Variants in PTPRT observed in about 807,000 individuals in gnomAD.
The protein encoded by PTPRT is protein tyrosine phosphatase receptor type T.
Under a neutral mutation model 176.8 loss-of-function variants are expected in PTPRT, and 56 were observed. That is an observed-to-expected ratio of 0.32 (90% CI 0.26 to 0.40). The LOEUF (loss-of-function observed/expected upper bound fraction) is 0.40. PTPRT is among the 10% of genes least tolerant of loss of function. The pLI is 1.00. For missense variants in PTPRT, 1,540 were observed against 1,908.2 expected (o/e 0.81, Z 3.60); for synonymous variants, 783 against 739.0 (o/e 1.06, Z -0.96).
chr20:42,486,776 C>G (rs1167043362), intron 7 of PTPRT, among the ~76,000 whole-genome samples: 1 of 152,082 alleles, frequency 6.6e-6, no homozygotes, highest in Non-Finnish European at 1.5e-5. Context: ...GTTGAAGGAG[C>G]GGTAGCCCCT....
At chr20:42,100,910 A>G (rs887325607) in intron 26 of PTPRT, among the ~76,000 whole-genome samples, 1 of 152,244 alleles carries the variant, frequency 6.6e-6, no homozygotes, top group African/African-American at 2.4e-5. Flanking sequence ...GACAGAGGCC[A>G]GGGCAGGCCC....
At chr20:42,331,704 C>A (rs1184270132) in intron 11 of PTPRT, among the ~76,000 whole-genome samples, 1 of 152,136 alleles carries the variant, frequency 6.6e-6, no homozygotes, top group Non-Finnish European at 1.5e-5. Flanking sequence ...ATCCATCCAA[C>A]AACAGAATTG....
In PTPRT at chr20:42,596,568, C is replaced by G. The variant is rs375020566; in HGVS notation, c.1153+81298G>C. Among the ~76,000 whole-genome samples the G allele has an allele frequency of 2.6e-5, 4 of 152,296 alleles. No individual in the cohort carries two copies. The East Asian group carries it at 5.8e-4, about 22-fold the overall frequency. ...CACGTGGAAGAAACAAAAACACTTG[C>G]AATGTTTGTAACAGAAAACCTAATA... On this transcript the variant is annotated intron_variant, in intron 7 of 30. Coordinates refer to ENST00000373187, the MANE Select transcript of PTPRT (RefSeq NM_007050.6).
At chr20:42,132,868 T>C (rs954736597) in intron 18 of PTPRT, among the ~76,000 whole-genome samples, 2 of 152,228 alleles carry the variant, frequency 1.3e-5, no homozygotes, top group Non-Finnish European at 2.9e-5. Flanking sequence ...AACCTGCACA[T>C]GGATGTTTAT....
chr20:42,102,104 TCTGCC>T lies in PTPRT; in HGVS notation c.3714+15_3714+19del. The T allele has an allele frequency of 6.2e-7, 1 of 1,601,092 alleles. No homozygotes were observed. The highest frequency in any genetic ancestry group is 1.1e-5 in the South Asian group (1 of 90,558). ...GCCCTAGAATGCCAGCTAGGAGCTTTCTGCCCGGGCTCGGCTTACATCCATCAGTG... is the reference window on the plus strand; with the variant it reads ...GCCCTAGAATGCCAGCTAGGAGCTTTCGGGCTCGGCTTACATCCATCAGTG... On this transcript the variant is annotated intron_variant, in intron 26 of 30. Transcript: ENST00000373187.
At chr20:43,048,575 G>T (rs556641346) in intron 1 of PTPRT, among the ~76,000 whole-genome samples, 1 of 152,156 alleles carries the variant, frequency 6.6e-6, no homozygotes, top group African/African-American at 2.4e-5. Flanking sequence ...GTGGGCCAAG[G>T]GGGTGGGAAA....
intron 16 of PTPRT, among the ~76,000 whole-genome samples, chr20:42,169,407 T>TA (rs1245201837): frequency 6.6e-6 from 1 of 152,054 alleles, no homozygotes; most frequent in Non-Finnish European, 1.5e-5. Context: ...AGGATGGTGT[T>TA]AGACACTCTA....
intron 1 of PTPRT, among the ~76,000 whole-genome samples, chr20:42,962,793 C>A (rs1465226275): frequency 6.6e-6 from 1 of 152,182 alleles, no homozygotes; most frequent in Admixed American, 6.5e-5. Context: ...CCAGGCCAGG[C>A]GCGGTGGCTC....
chr20:42,704,109 A>G (rs2076015575), intron 6 of PTPRT, among the ~76,000 whole-genome samples: 1 of 152,190 alleles, frequency 6.6e-6, no homozygotes, highest in African/African-American at 2.4e-5. Flanking sequence ...TTTCTTGTCC[A>G]GCTCAAATGA....
intron 7 of PTPRT, among the ~76,000 whole-genome samples, chr20:42,650,040 T>C (rs954542507): frequency 1.3e-5 from 2 of 152,198 alleles, no homozygotes; most frequent in Non-Finnish European, 2.9e-5. Context: ...CTTGGTCACA[T>C]GACCACACTC....
At chr20:42,627,978 C>T (rs1018536829) in intron 7 of PTPRT, among the ~76,000 whole-genome samples, 3 of 152,074 alleles carry the variant, frequency 2.0e-5, no homozygotes, top group Admixed American at 1.3e-4. Flanking sequence ...TTCATCCATC[C>T]GTAATGCCTG....
chr20:42,924,811 T>C (rs1428574571), intron 1 of PTPRT, among the ~76,000 whole-genome samples: 1 of 152,198 alleles, frequency 6.6e-6, no homozygotes, highest in African/African-American at 2.4e-5. Flanking sequence ...TCTGTGTACT[T>C]AGGGCCTCAT....
intron 1 of PTPRT, among the ~76,000 whole-genome samples, chr20:43,168,405 C>CT (rs2014911370): frequency 2.6e-5 from 4 of 152,176 alleles, no homozygotes; most frequent in Admixed American, 2.0e-4. Flanking sequence ...GAGCCATGGA[C>CT]TTTCCCAGAC....
At chr20:42,734,001 T>C (rs190364696) in intron 6 of PTPRT, among the ~76,000 whole-genome samples, 3 of 152,336 alleles carry the variant, frequency 2.0e-5, no homozygotes, top group African/African-American at 7.2e-5. Flanking sequence ...AAGCAGACCC[T>C]GAAGCCATGT....
intron 1 of PTPRT, among the ~76,000 whole-genome samples, chr20:43,087,775 T>C (rs1799968864): frequency 6.6e-6 from 1 of 152,100 alleles, no homozygotes; most frequent in Admixed American, 6.6e-5. Context: ...AAAGCAAAGC[T>C]CTAACCTATG....
At chr20:42,355,006 C>G (rs2058338667) in intron 9 of PTPRT, among the ~76,000 whole-genome samples, 1 of 140,988 alleles carries the variant, frequency 7.1e-6, no homozygotes, top group African/African-American at 2.5e-5. Context: ...CTCTGGTGGG[C>G]CTGTCTACAG....
intron 16 of PTPRT, among the ~76,000 whole-genome samples, chr20:42,177,898 C>T (rs1174635122): frequency 4.7e-5 from 7 of 149,420 alleles, no homozygotes; most frequent in African/African-American, 1.7e-4. Context: ...TCTTTCTTTC[C>T]TTTCTCTCTC....
chr20:42,191,830 G>C (rs55789113), intron 16 of PTPRT, among the ~76,000 whole-genome samples: 24,935 of 152,166 alleles, frequency 0.16, 2,575 homozygotes, highest in Non-Finnish European at 0.22. Flanking sequence ...TATGAGAAAA[G>C]ATGGAACCAG....
At chr20:43,185,879 C>A (rs2015377162) in intron 1 of PTPRT, among the ~76,000 whole-genome samples, 1 of 152,002 alleles carries the variant, frequency 6.6e-6, no homozygotes, top group Admixed American at 6.6e-5. Flanking sequence ...TTGCGGTGAG[C>A]CAAGACTGCA....
Sources: allele counts gnomAD v4.1 joint callset (sites outside exome capture counted in the v4.1 genomes callset), GRCh38; gene constraint gnomAD v4.1.1; transcripts MANE v1.5; gene names NCBI Gene and HGNC (gene_info 2026-07-23, HGNC 2026-07-21).